GPA33: variants seen among roughly 807,000 people sequenced by gnomAD.
The protein encoded by GPA33 is cell surface A33 antigen.
Under a neutral mutation model 35.6 loss-of-function variants are expected in GPA33, and 27 were observed. That is an observed-to-expected ratio of 0.76 (90% CI 0.56 to 1.04). The LOEUF (loss-of-function observed/expected upper bound fraction) is 1.04. GPA33 is among the 50% of genes least tolerant of loss of function. GPA33 has a pLI of 0.00. For synonymous variants in GPA33, 176 were observed against 164.0 expected (o/e 1.07, Z -0.56); for missense variants, 428 against 411.9 (o/e 1.04, Z -0.34).
intron 1 of GPA33, among the ~76,000 whole-genome samples, chr1:167,080,812 G>A (rs371524716): frequency 9.2e-5 from 14 of 152,144 alleles, no homozygotes; most frequent in African/African-American, 2.4e-4. Context: ...CCTAGAGCTC[G>A]GCAAAGTGCC....
In GPA33 at chr1:167,082,377, T is replaced by C. The variant is rs118117528; in HGVS notation, c.43+7868A>G. The C allele has an allele frequency of 3.0e-4, 135 of 450,308 alleles. 1 individual carries two copies. In the East Asian group the frequency reaches 8.8e-3, roughly 29 times the overall value. 27.9% of individuals were successfully genotyped at this position (450,308 alleles called of 1,614,324 possible). On this transcript the variant is annotated intron_variant, in intron 1 of 6. Coordinates refer to ENST00000367868, the MANE Select transcript of GPA33 (RefSeq NM_005814.3). ...CTAGGAGGTGAAAAAGTAGAGACAG[T>C]GAGGGCAGCCTATTTTGTCAGGAGC... is the stretch of plus-strand genomic sequence containing the variant.
intron 2 of GPA33, 61 bp downstream of exon 2, chr1:167,073,324 A>G: frequency 7.0e-7 from 1 of 1,419,204 alleles, no homozygotes; most frequent in South Asian, 1.2e-5. Flanking sequence ...CTTGCCTTCT[A>G]AGAGGTCCTG....
chr1:167,072,140 C>T (rs1379446446), intron 2 of GPA33, among the ~76,000 whole-genome samples: 1 of 100,666 alleles, frequency 9.9e-6, no homozygotes, highest in East Asian at 4.9e-4. Flanking sequence ...TCTCTTTCCC[C>T]ATCCGTCCTG....
chr1:167,063,836 T>C (rs1666527237), intron 3 of GPA33, 99 bp from the exon 4 acceptor site: 1 of 801,652 alleles, frequency 1.2e-6, no homozygotes, highest in Non-Finnish European at 1.9e-6. Context: ...ATATACTGCC[T>C]TGTTTGTTCA....
intron 2 of GPA33, among the ~76,000 whole-genome samples, chr1:167,072,008 C>A (rs142393873): frequency 5.3e-5 from 8 of 152,308 alleles, no homozygotes; most frequent in African/African-American, 1.7e-4. Flanking sequence ...GGTTCCCTTT[C>A]GCTCCTACAA....
At chr1:167,079,856 A>T (rs1000486260) in intron 1 of GPA33, among the ~76,000 whole-genome samples, 2 of 152,116 alleles carry the variant, frequency 1.3e-5, no homozygotes, top group African/African-American at 4.8e-5. Context: ...GAATAAATCC[A>T]GTTTCTTTTA....
chr1:167,055,729 C>G lies in GPA33; in HGVS notation c.691+1G>C. 3 of 1,613,912 alleles carry G rather than the reference C, an allele frequency of 1.9e-6. No homozygotes were observed. In the South Asian group the frequency reaches 3.3e-5, roughly 18 times the overall value. On this transcript the variant is annotated splice_donor_variant, in intron 5 of 6. Transcript: ENST00000367868. LOFTEE classifies it high-confidence loss of function. ...GCCCTCCCCCCGCAGGCTGCTCTTA[C>G]GAGATCTGACGGCCACCGTGATGTT...
In GPA33 at chr1:167,055,088, C is replaced by T; in HGVS notation, c.715G>A (p.Val239Met). ...RSPSMNVALY[V>M]GIAVGVVAAL... ...GCAACCACGCCCACCGCGATGCCCA[C>T]ATACAGGGCCACGTTCATGGAGGCT... The change falls in exon 6 of 7, where the codon GTG becomes ATG. Residue 239 changes from valine (V) to methionine (M), a missense_variant. Val to Met is a conservative substitution (Grantham distance 21). Coordinates refer to ENST00000367868, the MANE Select transcript of GPA33 (RefSeq NM_005814.3). 22 of 1,612,730 alleles carry T rather than the reference C, an allele frequency of 1.4e-5. No individual in the cohort carries two copies. Among genetic ancestry groups the T allele is most frequent in the Non-Finnish European group, 1.8e-5 (21 of 1,179,796 alleles).
At chr1:167,082,498 A>G (rs976899832) in intron 1 of GPA33, among the ~76,000 whole-genome samples, 3 of 152,162 alleles carry the variant, frequency 2.0e-5, no homozygotes, top group African/African-American at 7.2e-5. Flanking sequence ...AGAAGGAGAA[A>G]TGGAGGTGGG....
intron 2 of GPA33, 24 bp downstream of exon 2, chr1:167,073,361 C>G: frequency 6.2e-7 from 1 of 1,604,890 alleles, no homozygotes; most frequent in Non-Finnish European, 8.5e-7. Context: ...TCCCATGTTG[C>G]CTGAACTTGT....
At chr1:167,059,661 C>T (rs1311968071) in intron 4 of GPA33, among the ~76,000 whole-genome samples, 1 of 152,084 alleles carries the variant, frequency 6.6e-6, no homozygotes, top group Non-Finnish European at 1.5e-5. Context: ...CCTGTTTCTT[C>T]AGTGCATGAA....
intron 4 of GPA33, among the ~76,000 whole-genome samples, chr1:167,062,598 A>G (rs1026527222): frequency 2.6e-4 from 37 of 142,708 alleles, no homozygotes; most frequent in African/African-American, 9.1e-4. Context: ...TTCCACACCC[A>G]TTGGCTCTGG....
rs141329587 is a variant in GPA33, at chr1:167,061,446, G to A, written c.571+2136C>T. Among the ~76,000 whole-genome samples the A allele has an allele frequency of 7.1e-3, 1,084 of 152,222 alleles. 18 individuals are homozygous for A. Among genetic ancestry groups the A allele is most frequent in the African/African-American group, 0.025 (1,046 of 41,524 alleles). ...GAGGCCACAGAGCCCCCGGGGAGCTGCCAGGTGGTTTCAACAAAAATTCCA... is the reference window on the plus strand; with the variant it reads ...GAGGCCACAGAGCCCCCGGGGAGCTACCAGGTGGTTTCAACAAAAATTCCA... On this transcript the variant is annotated intron_variant, in intron 4 of 6. Coordinates refer to ENST00000367868, the MANE Select transcript of GPA33 (RefSeq NM_005814.3).
intron 4 of GPA33, chr1:167,058,168 C>T (rs1000169540): frequency 2.6e-5 from 4 of 152,062 alleles, no homozygotes; most frequent in Admixed American, 2.0e-4. Flanking sequence ...CACTGCACTC[C>T]AGCCTGAGTA....
At chr1:167,080,874 A>T (rs922086303) in intron 1 of GPA33, among the ~76,000 whole-genome samples, 1 of 152,254 alleles carries the variant, frequency 6.6e-6, no homozygotes, top group South Asian at 2.1e-4. Context: ...TGAATGAATT[A>T]TAGAGAACTT....
chr1:167,081,514 A>G (rs1324901975), intron 1 of GPA33, among the ~76,000 whole-genome samples: 1 of 152,250 alleles, frequency 6.6e-6, no homozygotes, highest in Non-Finnish European at 1.5e-5. Flanking sequence ...TTAGGACTCA[A>G]TAAATGTTGA....
intron 2 of GPA33, among the ~76,000 whole-genome samples, chr1:167,071,536 C>A (rs552414842): frequency 1.3e-5 from 2 of 152,300 alleles, no homozygotes; most frequent in Admixed American, 6.5e-5. Flanking sequence ...ATCTACCCAA[C>A]CACAGGCAAC....
chr1:167,074,859 T>C (rs1558009116), intron 1 of GPA33, among the ~76,000 whole-genome samples: 1 of 151,226 alleles, frequency 6.6e-6, no homozygotes, highest in Non-Finnish European at 1.5e-5. Flanking sequence ...CTGAATGAAG[T>C]GAAAATGCCC....
At chr1:167,084,204 C>G (rs1667009342) in intron 1 of GPA33, among the ~76,000 whole-genome samples, 1 of 152,228 alleles carries the variant, frequency 6.6e-6, no homozygotes, top group Middle Eastern at 3.4e-3. Context: ...CATTCTGGCT[C>G]CAGGGTGGAC....
Sources: allele counts gnomAD v4.1 joint callset (sites outside exome capture counted in the v4.1 genomes callset), GRCh38; gene constraint gnomAD v4.1.1; transcripts MANE v1.5; gene names NCBI Gene and HGNC (gene_info 2026-07-23, HGNC 2026-07-21).